The following MKNK1 variants were observed in gnomAD, a reference collection of about 807,000 sequenced individuals.
The protein encoded by MKNK1 is MAPK interacting serine/threonine kinase 1.
MKNK1 carries 30 observed loss-of-function variants against 49.3 expected under a neutral mutation model. The observed-to-expected ratio is 0.61, with a 90% CI of 0.46 to 0.83. The LOEUF (loss-of-function observed/expected upper bound fraction) is 0.83. Ranked by LOEUF, MKNK1 falls within the 40% of genes least tolerant of loss-of-function variation. The pLI, the probability that MKNK1 is intolerant of heterozygous loss-of-function variation, is 0.00. For synonymous variants in MKNK1, 176 were observed against 201.7 expected, an observed-to-expected ratio of 0.87 and a Z score of 1.08; for missense variants, 423 against 524.7, an observed-to-expected ratio of 0.81 and a Z score of 1.89.
intron 1 of MKNK1, among the ~76,000 whole-genome samples, chr1:46,597,616 T>C (rs1421515259): frequency 6.6e-6 from 1 of 152,190 alleles, no homozygotes; most frequent in African/African-American, 2.4e-5. Context: ...TCTAACCAAT[T>C]CCCAGCTTCC....
At chr1:46,571,548 G>GA (rs751772187) in intron 7 of MKNK1, 43 of 434,770 alleles carry the variant, frequency 9.9e-5, no homozygotes, top group East Asian at 5.2e-4. Context: ...GTCTAAAAAG[G>GA]AAAAAAAAGG....
chr1:46,558,986 T>C (rs996601698), intron 12 of MKNK1, among the ~76,000 whole-genome samples, 186 bp from the exon 13 acceptor site: 1 of 152,194 alleles, frequency 6.6e-6, no homozygotes, highest in African/African-American at 2.4e-5. Flanking sequence ...TGAGGGATTT[T>C]AATTTGAGCC....
intron 10 of MKNK1, among the ~76,000 whole-genome samples, chr1:46,562,395 CAAAAAAAAAAAA>C (rs66491559): frequency 2.9e-5 from 1 of 34,326 alleles, no homozygotes; most frequent in Non-Finnish European, 4.9e-5. Context: ...GACTCCATCT[CAAAAAAAAAAAA>C]AAAAAAAAAA....
rs777962428 is a variant in MKNK1 at position 46,558,630 on chromosome 1, C to G, written c.1184G>C (p.Arg395Pro). Residue 395 changes from arginine to proline, a missense_variant, in exon 13 of 13, where the codon CGG (arginine) becomes CCG (proline). Coordinates refer to ENST00000371945, the MANE Select transcript of MKNK1 (RefSeq NM_001135553.4). Reference protein sequence around the residue: ...PPCKSRLARRRALAQAGRGED... With the variant: ...PPCKSRLARRPALAQAGRGED... ...ACCACGGCCTGCCTGGGCCAGGGCCCGTCTCCGGGCCAGGCGTGACTTGCA... is the reference window on the plus strand; with the variant it reads ...ACCACGGCCTGCCTGGGCCAGGGCCGGTCTCCGGGCCAGGCGTGACTTGCA... The G allele has an allele frequency of 1.4e-5, 22 of 1,613,894 alleles. No homozygotes were observed. The highest frequency in any genetic ancestry group is 1.7e-5 in the Non-Finnish European group (20 of 1,180,006).
At chr1:46,600,921 C>CTTT (rs531523577) in intron 1 of MKNK1, among the ~76,000 whole-genome samples, 1 of 146,396 alleles carries the variant, frequency 6.8e-6, no homozygotes, top group Non-Finnish European at 1.5e-5. Flanking sequence ...CTTGTGTAAT[C>CTTT]TTTTTTTTTT....
intron 1 of MKNK1, among the ~76,000 whole-genome samples, chr1:46,595,660 C>T (rs564527640): frequency 1.3e-5 from 2 of 152,296 alleles, no homozygotes; most frequent in South Asian, 2.1e-4. Context: ...TATTCCCAAA[C>T]AAATCTGAAA....
rs1373537926 is a variant in MKNK1 at position 46,558,470 on chromosome 1, C to A, written c.*105G>T. The A allele has an allele frequency of 8.6e-7, 1 of 1,167,906 alleles. No individual in the cohort carries two copies. Among genetic ancestry groups the A allele is most frequent in the African/African-American group, 1.6e-5 (1 of 64,308 alleles). 72.3% of individuals were successfully genotyped at this position (1,167,906 alleles called of 1,614,324 possible). A position where few individuals can be genotyped will look rare whatever the true frequency, so the allele number is the denominator to read the frequency against. ...CGTAGATGAAAAAGCCTGAATGGAG[C>A]CACAGAGCAGAGGCTGCTGCCTGCT... On this transcript the variant is annotated 3_prime_UTR_variant, in exon 13 of 13. Coordinates refer to ENST00000371945, the MANE Select transcript of MKNK1 (RefSeq NM_001135553.4).
At chr1:46,587,144 T>C (rs1672687404) in intron 2 of MKNK1, among the ~76,000 whole-genome samples, 1 of 152,228 alleles carries the variant, frequency 6.6e-6, no homozygotes, top group East Asian at 1.9e-4. Context: ...GCCTGGTTCT[T>C]GCTATAGGAT....
chr1:46,589,975 T>C lies in MKNK1; in HGVS notation c.-3+4138A>G, dbSNP rs1332080557. ...ACCCGACTTTGCTGGCTAGCTCAGCTCTGCAAACTTAGCTCACACTCCTCT... is the reference window on the plus strand; with the variant it reads ...ACCCGACTTTGCTGGCTAGCTCAGCCCTGCAAACTTAGCTCACACTCCTCT... On this transcript the variant is annotated intron_variant, in intron 2 of 12. Transcript: ENST00000371945. This position sits in a 1 kb window ranked among gnomAD's most constrained non-coding sequence, Gnocchi z 4.3. Among the ~76,000 whole-genome samples the C allele has an allele frequency of 6.6e-6, 1 of 151,782 alleles. No individual in the cohort carries two copies. Among genetic ancestry groups the C allele is most frequent in the African/African-American group, 2.4e-5 (1 of 41,266 alleles).
chr1:46,591,535 G>A (rs988411151), intron 2 of MKNK1, among the ~76,000 whole-genome samples: 19 of 152,128 alleles, frequency 1.2e-4, no homozygotes, highest in East Asian at 3.9e-4. Flanking sequence ...AGAATGAAGT[G>A]TGTGCTGAAG....
At chr1:46,579,674 A>C (rs1417356411) in intron 4 of MKNK1, among the ~76,000 whole-genome samples, 1 of 152,158 alleles carries the variant, frequency 6.6e-6, no homozygotes, top group Non-Finnish European at 1.5e-5. Flanking sequence ...CAAGTTCCCA[A>C]GCGATGCTGA....
chr1:46,569,593 T>C (rs531695751), intron 7 of MKNK1: 1 of 152,328 alleles, frequency 6.6e-6, no homozygotes, highest in South Asian at 2.1e-4. Context: ...ATCAACTTTT[T>C]CAGCAGTCCT....
At chr1:46,563,367 GGC>G (rs1417045370) in intron 9 of MKNK1, 2 of 153,128 alleles carry the variant, frequency 1.3e-5, no homozygotes, top group African/African-American at 4.8e-5. Flanking sequence ...GCAAGGGCAA[GGC>G]CAAGAACGGG....
At chr1:46,560,332 C>G in intron 11 of MKNK1, 55 bp from the exon 12 acceptor site, 1 of 1,586,234 alleles carries the variant, frequency 6.3e-7, no homozygotes. Context: ...CTTTCAAGAA[C>G]TGCCCCACCC....
intron 1 of MKNK1, among the ~76,000 whole-genome samples, chr1:46,599,656 G>A (rs190941579): frequency 2.0e-5 from 3 of 152,246 alleles, no homozygotes; most frequent in Admixed American, 2.0e-4. Flanking sequence ...CGCCAGTCAG[G>A]GCATTTGGAG....
intron 2 of MKNK1, among the ~76,000 whole-genome samples, chr1:46,583,798 A>G (rs969967951): frequency 6.6e-6 from 1 of 152,164 alleles, no homozygotes; most frequent in Non-Finnish European, 1.5e-5. Context: ...CTATGGATGC[A>G]CACAGGGCAC....
At chr1:46,562,621 A>C in intron 10 of MKNK1, 28 bp downstream of exon 10, 1 of 1,546,700 alleles carries the variant, frequency 6.5e-7, no homozygotes, top group Non-Finnish European at 8.7e-7. Context: ...AGCAGGGTCT[A>C]CGCAGTGCTC....
At chr1:46,576,410 C>T in intron 5 of MKNK1, 165 bp downstream of exon 5, 1 of 601,604 alleles carries the variant, frequency 1.7e-6, no homozygotes, top group Non-Finnish European at 3.0e-6. Context: ...GTTACTGCTG[C>T]TTTTCCTTTC....
chr1:46,597,325 G>A (rs1674209660), intron 1 of MKNK1, among the ~76,000 whole-genome samples: 1 of 150,166 alleles, frequency 6.7e-6, no homozygotes, highest in Non-Finnish European at 1.5e-5. Context: ...AAATCACCAT[G>A]TATACAAACA....
Sources: gnomAD v4.1 joint callset for allele counts (sites outside exome capture counted in the v4.1 genomes callset) on GRCh38, gnomAD v4.1.1 for gene constraint, Gnocchi (gnomAD v3.1) non-coding constraint, MANE v1.5 for transcripts, NCBI Gene and HGNC (gene_info 2026-07-23, HGNC 2026-07-21) for gene names.